EXD3: variants seen among roughly 807,000 people sequenced by gnomAD.
EXD3 encodes the protein exonuclease mut-7 homolog.
EXD3 carries 92 observed loss-of-function variants against 98.0 expected under a neutral mutation model. The ratio of observed to expected loss-of-function variants is 0.94; its 90% CI spans 0.79 to 1.12. EXD3 has a LOEUF of 1.12. EXD3 is among the 50% of genes most tolerant of loss of function. EXD3 has a pLI of 0.00. For synonymous variants in EXD3, 569 were observed against 526.0 expected (o/e 1.08, Z -1.12); for missense variants, 1,222 against 1,191.6 (o/e 1.03, Z -0.38).
At chr9:137,331,464 A>G (rs938578557) in intron 17 of EXD3, among the ~76,000 whole-genome samples, 1 of 152,320 alleles carries the variant, frequency 6.6e-6, no homozygotes, top group Admixed American at 6.5e-5. Flanking sequence ...GGAAAACAGG[A>G]GGTCAAACTA....
At chr9:137,367,868 A>T (rs1390648937) in intron 6 of EXD3, 68 bp downstream of exon 6, 1 of 1,485,566 alleles carries the variant, frequency 6.7e-7, no homozygotes, top group Non-Finnish European at 9.3e-7. Context: ...TCCAACAAAC[A>T]CTGTTTATAG....
At chr9:137,332,559 A>T (rs1279122941) in intron 17 of EXD3, among the ~76,000 whole-genome samples, 3 of 107,600 alleles carry the variant, frequency 2.8e-5, no homozygotes, top group African/African-American at 7.2e-5. Context: ...GGTACATGGT[A>T]TTGGCCAGGC....
chr9:137,326,289 C>T (rs1266093757), intron 17 of EXD3, among the ~76,000 whole-genome samples: 3 of 152,096 alleles, frequency 2.0e-5, no homozygotes, highest in South Asian at 2.1e-4. Flanking sequence ...TTGCAAATCA[C>T]GTATCTGACG....
intron 1 of EXD3, among the ~76,000 whole-genome samples, chr9:137,400,217 A>G (rs1837413954): frequency 1.3e-5 from 2 of 152,066 alleles, no homozygotes; most frequent in African/African-American, 2.4e-5. Context: ...ATTCGGGTTG[A>G]GATTTGGGTG....
At chr9:137,320,098 A>T (rs1831949121) in intron 19 of EXD3, among the ~76,000 whole-genome samples, 1 of 152,100 alleles carries the variant, frequency 6.6e-6, no homozygotes, top group Non-Finnish European at 1.5e-5. Flanking sequence ...GGCAGGGGGA[A>T]CGCTTGGTTC....
chr9:137,376,929 C>CAAAAAA (rs1356344310), intron 3 of EXD3: 1 of 45,710 alleles, frequency 2.2e-5, no homozygotes, highest in African/African-American at 6.9e-5. Context: ...ATCTCCATCT[C>CAAAAAA]AAAAAAAAAA....
intron 1 of EXD3, among the ~76,000 whole-genome samples, chr9:137,410,947 G>C (rs1273937528): frequency 6.6e-6 from 1 of 152,118 alleles, no homozygotes; most frequent in Non-Finnish European, 1.5e-5. Flanking sequence ...CAGGGCCTGA[G>C]TGAGGTCCAG....
chr9:137,374,453 G>A (rs1835796052), intron 3 of EXD3: 1 of 577,582 alleles, frequency 1.7e-6, no homozygotes, highest in Non-Finnish European at 2.2e-6. Flanking sequence ...GATGTGGATG[G>A]TGTGCTCTCC....
rs963984345 is a variant in EXD3 at position 137,364,478 on chromosome 9, T to C, written c.656+2015A>G. 8.6e-5 allele frequency among the ~76,000 whole-genome samples: 13 copies of C among 151,736 alleles called. 1 individual carries two copies. The highest frequency in any genetic ancestry group is 5.9e-5 in the Non-Finnish European group (4 of 67,988). On this transcript the variant is annotated intron_variant, in intron 7 of 21. Transcript: ENST00000340951. The stretch of plus-strand genomic sequence containing the variant: ...CTCTACTAAAAATATAAAAATTAGC[T>C]GGGTGTGTTGGTGCATGCCTGTAAT...
chr9:137,354,293 C>G (rs1320082292), intron 10 of EXD3, 46 bp downstream of exon 10: 3 of 1,605,112 alleles, frequency 1.9e-6, no homozygotes, highest in Non-Finnish European at 2.5e-6. Flanking sequence ...CCTAGGACAG[C>G]CGCCCAGGCC....
chr9:137,341,110 G>T (rs1833633768), intron 17 of EXD3, among the ~76,000 whole-genome samples: 3 of 152,196 alleles, frequency 2.0e-5, no homozygotes, highest in Admixed American at 2.0e-4. Context: ...GAGGCCAGGA[G>T]TTCAAGACCA....
At position 137,347,910 on chromosome 9, in the gene EXD3, C is replaced by T. The variant is rs983346664; in HGVS notation, c.1998+161G>A. 5.9e-5 allele frequency among the ~76,000 whole-genome samples: 9 copies of T among 152,170 alleles called. No individual in the cohort carries two copies. The highest frequency in any genetic ancestry group is 1.7e-4 in the African/African-American group (7 of 41,460). On this transcript the variant is annotated intron_variant, in intron 17 of 21. Coordinates refer to ENST00000340951, the MANE Select transcript of EXD3 (RefSeq NM_017820.5). The surrounding 1 kb of genome is among the most constrained non-coding windows in gnomAD (Gnocchi z 4.2). ...CCATCTCAGCCACTTGGCCCCCAAC[C>T]GCTCCATCCTTGGCCACCCCGTCCT...
Position 137,361,352 on chromosome 9 carries a change from A to G in EXD3, c.657-4984T>C, listed in dbSNP as rs547407247. Among the ~76,000 whole-genome samples the G allele has an allele frequency of 9.2e-5, 8 of 86,854 alleles. 4 individuals carry two copies. The East Asian group carries it at 4.6e-3, about 50-fold the overall frequency. The allele number at this position is 86,854 out of a possible 152,430, so 57.0% of individuals were successfully genotyped here. Reference sequence around the variant, plus strand: ...CAGGGAAAAGTTTTCAAGCCTTACAAAGAGCTGGGAACAGGATCTGCTCCC... The same window carrying G: ...CAGGGAAAAGTTTTCAAGCCTTACAGAGAGCTGGGAACAGGATCTGCTCCC... On this transcript the variant is annotated intron_variant, in intron 7 of 21. Coordinates refer to ENST00000340951, the MANE Select transcript of EXD3 (RefSeq NM_017820.5).
In EXD3 at chr9:137,354,142, C is replaced by T. The variant is rs539279491; in HGVS notation, c.870+197G>A. ...CCCAGTCAGGCTCTACTGATGCCCT[C>T]GGCTCCCGCTCAGGCCTCCCGGGCC... On this transcript the variant is annotated intron_variant, in intron 10 of 21. Coordinates refer to ENST00000340951, the MANE Select transcript of EXD3 (RefSeq NM_017820.5). 41 of 1,424,672 alleles carry T rather than the reference C, an allele frequency of 2.9e-5. No homozygotes were observed. The African/African-American group carries it at 3.9e-4, about 13-fold the overall frequency. The allele number at this position is 1,424,672 out of a possible 1,614,324, so 88.3% of individuals were successfully genotyped here.
At chr9:137,355,527 T>TGGAGGAAGGAGGAA (rs1834641557) in intron 8 of EXD3, among the ~76,000 whole-genome samples, 5 of 15,830 alleles carry the variant, frequency 3.2e-4, no homozygotes, top group African/African-American at 5.5e-4. Context: ...GGAAGGAGGA[T>TGGAGGAAGGAGGAA]GGAGGAAGGA....
At chr9:137,366,715 A>G in intron 6 of EXD3, 83 bp from the exon 7 acceptor site, 1 of 1,484,878 alleles carries the variant, frequency 6.7e-7, no homozygotes, top group Non-Finnish European at 9.0e-7. Flanking sequence ...GGGAGCGGCC[A>G]AAGTGTCAGA....
intron 8 of EXD3, among the ~76,000 whole-genome samples, chr9:137,355,486 GGAGGATGGAGGAAGGAGGAAGGAGGAA>G (rs1564508248): frequency 4.7e-5 from 3 of 63,862 alleles, no homozygotes; most frequent in African/African-American, 7.8e-5. Context: ...GAAGGAGGAA[GGAGGATGGAGGAAGGAGGAAGGAGGAA>G]GGAGGAAGGA....
chr9:137,375,680 G>T (rs1325989512), intron 3 of EXD3, among the ~76,000 whole-genome samples: 1 of 152,166 alleles, frequency 6.6e-6, no homozygotes, highest in Non-Finnish European at 1.5e-5. Context: ...TAGCTCTCAT[G>T]AGTTCTAGCT....
At chr9:137,406,258 G>A (rs1472787274) in intron 1 of EXD3, among the ~76,000 whole-genome samples, 7 of 134,872 alleles carry the variant, frequency 5.2e-5, no homozygotes, top group African/African-American at 1.9e-4. Flanking sequence ...GAAAAGGAAA[G>A]GAAAAGAAAG....
Sources: gnomAD v4.1 joint callset for allele counts (sites outside exome capture counted in the v4.1 genomes callset) on GRCh38, gnomAD v4.1.1 for gene constraint, Gnocchi (gnomAD v3.1) non-coding constraint, MANE v1.5 for transcripts, NCBI Gene and HGNC (gene_info 2026-07-23, HGNC 2026-07-21) for gene names.